Variants in STXBP5L observed in about 807,000 individuals in gnomAD.
The protein encoded by STXBP5L is syntaxin binding protein 5L.
A neutral mutation model predicts 144.5 loss-of-function variants in STXBP5L; 65 were observed. The ratio of observed to expected loss-of-function variants is 0.45; its 90% CI spans 0.37 to 0.55. The LOEUF is 0.55. STXBP5L is among the 20% of genes least tolerant of loss of function. The probability of loss-of-function intolerance (pLI) is 0.00; values close to 1 mark genes in which losing one functional copy is unlikely to be tolerated. For missense variants in STXBP5L, 1,298 were observed against 1,405.5 expected, an observed-to-expected ratio of 0.92 and a Z score of 1.22; for synonymous variants, 505 against 469.6, an observed-to-expected ratio of 1.08 and a Z score of -0.97.
At chr3:121,207,288 C>A (rs200089152) in intron 10 of STXBP5L, among the ~76,000 whole-genome samples, 1 of 132,872 alleles carries the variant, frequency 7.5e-6, no homozygotes, top group African/African-American at 3.1e-5. Flanking sequence ...TATGTAGAAA[C>A]CTGAAACTGG....
At position 121,349,727 on chromosome 3, in the gene STXBP5L, C is replaced by G. The variant is rs144123176; in HGVS notation, c.2177-28989C>G. ...CATTATGTAATGGTCTTCTTTGTCT[C>G]TTTAGATCTTTCTTGGTTTAAAGTC... On this transcript the variant is annotated intron_variant, in intron 20 of 26. Transcript: ENST00000471454. Among the ~76,000 whole-genome samples the G allele has an allele frequency of 3.3e-3, 495 of 152,106 alleles. 3 individuals carry two copies. Among genetic ancestry groups the G allele is most frequent in the Non-Finnish European group, 2.0e-3 (139 of 68,004 alleles).
chr3:120,996,715 T>C (rs1943378001), intron 3 of STXBP5L, among the ~76,000 whole-genome samples: 1 of 152,180 alleles, frequency 6.6e-6, no homozygotes, highest in African/African-American at 2.4e-5. Flanking sequence ...ACTGTTTTTC[T>C]ATCTGTGTCT....
At chr3:121,353,525 G>T (rs1242716482) in intron 20 of STXBP5L, among the ~76,000 whole-genome samples, 1 of 152,062 alleles carries the variant, frequency 6.6e-6, no homozygotes, top group Admixed American at 6.6e-5. Context: ...GATCGGTGGT[G>T]ATATCCCTTT....
At chr3:121,011,323 C>T (rs781127202) in intron 3 of STXBP5L, among the ~76,000 whole-genome samples, 6 of 151,398 alleles carry the variant, frequency 4.0e-5, no homozygotes, top group Non-Finnish European at 8.8e-5. Context: ...TTCTAACATC[C>T]ATTTCTCAGT....
At chr3:120,946,208 A>G (rs1158440776) in intron 2 of STXBP5L, among the ~76,000 whole-genome samples, 1 of 151,752 alleles carries the variant, frequency 6.6e-6, no homozygotes, top group East Asian at 1.9e-4. Context: ...CTTAAACAAT[A>G]TAGAAATTTA....
intron 3 of STXBP5L, among the ~76,000 whole-genome samples, chr3:120,961,640 A>G (rs1205019284): frequency 1.3e-5 from 2 of 152,126 alleles, no homozygotes; most frequent in African/African-American, 4.8e-5. Flanking sequence ...TCCATGGTGT[A>G]TATGTGCCAT....
rs556164423 is a variant in STXBP5L, at chr3:121,271,587, T to C, written c.1959-8218T>C. ...CAAACATTGAACACTTTTTGATATA[T>C]ATGAGATACAATTTTAAAGGATATA... On this transcript the variant is annotated intron_variant, in intron 18 of 26. Transcript: ENST00000471454. Among the ~76,000 whole-genome samples the C allele has an allele frequency of 9.8e-5, 15 of 152,318 alleles. No homozygotes were observed. In the South Asian group the frequency reaches 2.9e-3, roughly 29 times the overall value.
chr3:121,346,093 A>T (rs1298438912), intron 20 of STXBP5L, among the ~76,000 whole-genome samples: 1 of 150,536 alleles, frequency 6.6e-6, no homozygotes, highest in African/African-American at 2.4e-5. Context: ...TCCTAATGCT[A>T]TCCCTCTCCC....
Position 121,056,849 on chromosome 3 carries a change from A to G in STXBP5L, c.470+11314A>G, listed in dbSNP as rs112718202. Among the ~76,000 whole-genome samples the G allele has an allele frequency of 9.3e-3, 1,407 of 151,866 alleles. 10 individuals are homozygous for G. The highest frequency in any genetic ancestry group is 0.014 in the Non-Finnish European group (947 of 67,870). On this transcript the variant is annotated intron_variant, in intron 5 of 26. Transcript: ENST00000471454. ...ATGTACATAAGCCAAATAGAAAACCATATATTTTTACATATATCATATATA... is the reference window on the plus strand; with the variant it reads ...ATGTACATAAGCCAAATAGAAAACCGTATATTTTTACATATATCATATATA...
chr3:121,092,634 T>G (rs2042875025), intron 5 of STXBP5L, among the ~76,000 whole-genome samples: 2 of 152,222 alleles, frequency 1.3e-5, no homozygotes, highest in South Asian at 4.1e-4. Context: ...ATCCTGAGAC[T>G]TTGCTGAAGT....
rs112717721 is a variant in STXBP5L, at chr3:121,380,546, C to T, written c.2348-747C>T. Among the ~76,000 whole-genome samples the T allele has an allele frequency of 3.5e-3, 528 of 151,700 alleles. 3 individuals carry two copies. Among genetic ancestry groups the T allele is most frequent in the Middle Eastern group, 0.034 (10 of 290 alleles). On this transcript the variant is annotated intron_variant, in intron 21 of 26. Coordinates refer to ENST00000471454, the MANE Select transcript of STXBP5L (RefSeq NM_001308330.2). Reference sequence around the variant, plus strand: ...CTGTATGAGTTTATGCTTATTGGAGCGTGCACATGTACAAGTGTTGATGAG... The same window carrying T: ...CTGTATGAGTTTATGCTTATTGGAGTGTGCACATGTACAAGTGTTGATGAG...
At chr3:120,914,670 C>T (rs1454541809) in intron 2 of STXBP5L, among the ~76,000 whole-genome samples, 1 of 152,042 alleles carries the variant, frequency 6.6e-6, no homozygotes, top group Admixed American at 6.5e-5. Context: ...AGATCATGAT[C>T]ACAGTTCCAC....
intron 3 of STXBP5L, among the ~76,000 whole-genome samples, chr3:121,006,405 G>A (rs915359770): frequency 6.6e-6 from 1 of 151,928 alleles, no homozygotes; most frequent in Non-Finnish European, 1.5e-5. Flanking sequence ...CATTTGCTTG[G>A]TAGATCTTCC....
chr3:121,368,903 A>T (rs994231492), intron 20 of STXBP5L, among the ~76,000 whole-genome samples: 1 of 152,198 alleles, frequency 6.6e-6, no homozygotes, highest in African/African-American at 2.4e-5. Flanking sequence ...AATCCCTTGG[A>T]AGTCACTTCA....
chr3:121,355,502 C>G (rs779347038), intron 20 of STXBP5L, among the ~76,000 whole-genome samples: 4 of 152,166 alleles, frequency 2.6e-5, no homozygotes, highest in African/African-American at 4.8e-5. Context: ...GTGCATGCAT[C>G]ACGAATTTCT....
At chr3:120,960,844 G>A (rs1245250277) in intron 3 of STXBP5L, among the ~76,000 whole-genome samples, 1 of 150,048 alleles carries the variant, frequency 6.7e-6, no homozygotes, top group African/African-American at 2.4e-5. Context: ...CACCAGCATG[G>A]CACATGTATA....
chr3:121,172,822 A>G (rs1226629340), intron 9 of STXBP5L, among the ~76,000 whole-genome samples: 6 of 152,234 alleles, frequency 3.9e-5, no homozygotes, highest in South Asian at 2.1e-4. Context: ...CAGCTATCCC[A>G]TTACTGGGTG....
intron 7 of STXBP5L, among the ~76,000 whole-genome samples, chr3:121,146,553 C>T (rs543285328): frequency 1.3e-5 from 2 of 151,932 alleles, no homozygotes; most frequent in African/African-American, 2.4e-5. Context: ...AATTACCAGA[C>T]AATAATTTGC....
At chr3:121,078,195 G>A (rs749152671) in intron 5 of STXBP5L, among the ~76,000 whole-genome samples, 22 of 152,096 alleles carry the variant, frequency 1.4e-4, no homozygotes, top group Non-Finnish European at 2.6e-4. Context: ...GCAGATTGGT[G>A]TGTTTACAAA....
Sources: gnomAD v4.1 joint callset for allele counts (sites outside exome capture counted in the v4.1 genomes callset) on GRCh38, gnomAD v4.1.1 for gene constraint, MANE v1.5 for transcripts, NCBI Gene and HGNC (gene_info 2026-07-23, HGNC 2026-07-21) for gene names.